Variants in RALGAPA2 observed in about 807,000 individuals in gnomAD.
The protein encoded by RALGAPA2 is ral GTPase-activating protein subunit alpha-2.
Under a neutral mutation model 230.4 loss-of-function variants are expected in RALGAPA2, and 139 were observed. The observed-to-expected ratio is 0.60, with a 90% CI of 0.53 to 0.69. The LOEUF is 0.69. Among genes scored for constraint, RALGAPA2 ranks in the 30% least tolerant of loss-of-function variants. The pLI is 0.00. For missense variants in RALGAPA2, 2,163 were observed against 2,276.0 expected, an observed-to-expected ratio of 0.95 and a Z score of 1.01; for synonymous variants, 847 against 837.8, an observed-to-expected ratio of 1.01 and a Z score of -0.19.
intron 31 of RALGAPA2, among the ~76,000 whole-genome samples, chr20:20,519,250 T>C (rs2062965019): frequency 6.6e-6 from 1 of 152,242 alleles, no homozygotes. Context: ...ATCTACAAAA[T>C]GCAGCTAAAA....
chr20:20,639,280 T>C (rs1555807639), intron 7 of RALGAPA2, among the ~76,000 whole-genome samples: 1 of 152,246 alleles, frequency 6.6e-6, no homozygotes, highest in Non-Finnish European at 1.5e-5. Flanking sequence ...TACATTTTAT[T>C]CTAACTATTA....
intron 24 of RALGAPA2, among the ~76,000 whole-genome samples, chr20:20,545,937 G>A (rs1361697506): frequency 6.6e-6 from 1 of 152,130 alleles, no homozygotes; most frequent in Non-Finnish European, 1.5e-5. Context: ...ATAATGGCGT[G>A]TACCTGCAGT....
chr20:20,572,779 G>T, intron 21 of RALGAPA2, 96 bp downstream of exon 21: 1 of 1,034,772 alleles, frequency 9.7e-7, no homozygotes, highest in Non-Finnish European at 1.3e-6. Flanking sequence ...TTTGTGTTTC[G>T]GAATATGTTC....
intron 15 of RALGAPA2, among the ~76,000 whole-genome samples, 158 bp from the exon 16 acceptor site, chr20:20,602,004 T>C (rs1233270980): frequency 6.6e-6 from 1 of 152,250 alleles, no homozygotes; most frequent in East Asian, 1.9e-4. Context: ...ATTTAGGAAG[T>C]TGCTCATATG....
intron 23 of RALGAPA2, among the ~76,000 whole-genome samples, chr20:20,547,508 A>C (rs2063806475): frequency 1.3e-5 from 2 of 152,160 alleles, no homozygotes. Context: ...TGATGGCTGG[A>C]TGGCCCCTCA....
chr20:20,702,794 T>C (rs1244337211), intron 1 of RALGAPA2, among the ~76,000 whole-genome samples: 2 of 152,228 alleles, frequency 1.3e-5, no homozygotes, highest in Non-Finnish European at 2.9e-5. Flanking sequence ...TGTCATCACC[T>C]GAAATCAAAC....
intron 3 of RALGAPA2, among the ~76,000 whole-genome samples, chr20:20,664,475 T>C (rs948202702): frequency 1.3e-5 from 2 of 152,202 alleles, no homozygotes; most frequent in Non-Finnish European, 2.9e-5. Context: ...ACCCATAATA[T>C]GTGGGTTTTG....
At position 20,458,449 on chromosome 20, in the gene RALGAPA2, AATACATATG is replaced by A. The variant is rs1249608442; in HGVS notation, c.5495+14371_5495+14379del. 2.5e-3 allele frequency among the ~76,000 whole-genome samples: 341 copies of A among 138,702 alleles called. 14 individuals carry two copies. The highest frequency in any genetic ancestry group is 6.8e-3 in the East Asian group (32 of 4,698). The allele number at this position is 138,702 out of a possible 152,430, so 91.0% of individuals were successfully genotyped here. A position where few individuals can be genotyped will look rare whatever the true frequency, so the allele number is the denominator to read the frequency against. Reference sequence around the variant, plus strand: ...TATATGTATTTTTTATATTACATATAATACATATGTATTTTATATAATATATAATATATA... The same window carrying A: ...TATATGTATTTTTTATATTACATATATATTTTATATAATATATAATATATA... On this transcript the variant is annotated intron_variant, in intron 37 of 39. Transcript: ENST00000202677.
At chr20:20,570,623 G>A (rs973975342) in intron 23 of RALGAPA2, among the ~76,000 whole-genome samples, 2 of 151,908 alleles carry the variant, frequency 1.3e-5, no homozygotes, top group South Asian at 2.1e-4. Context: ...CAATGCTACC[G>A]GCTTAGTTCT....
intron 1 of RALGAPA2, among the ~76,000 whole-genome samples, chr20:20,691,416 G>T (rs1168445678): frequency 6.6e-6 from 1 of 152,042 alleles, no homozygotes; most frequent in East Asian, 1.9e-4. Flanking sequence ...TCAATTGAAA[G>T]TATTTATCAG....
chr20:20,432,054 T>A (rs1314165971), intron 37 of RALGAPA2, among the ~76,000 whole-genome samples: 2 of 152,224 alleles, frequency 1.3e-5, no homozygotes, highest in East Asian at 3.8e-4. Flanking sequence ...ATTAAAGTCA[T>A]GTAATTTTTT....
At chr20:20,617,317 T>C (rs2146325711) in intron 12 of RALGAPA2, among the ~76,000 whole-genome samples, 1 of 152,314 alleles carries the variant, frequency 6.6e-6, no homozygotes, top group East Asian at 1.9e-4. Flanking sequence ...TTATCTTAGG[T>C]AAGATTAAAA....
At chr20:20,422,952 A>G (rs751877420) in intron 37 of RALGAPA2, among the ~76,000 whole-genome samples, 1 of 152,194 alleles carries the variant, frequency 6.6e-6, no homozygotes, top group Non-Finnish European at 1.5e-5. Flanking sequence ...GAAGGGAAGA[A>G]GCAACACCAG....
chr20:20,703,924 GATGA>G (rs1445544260), intron 1 of RALGAPA2, among the ~76,000 whole-genome samples: 1 of 152,096 alleles, frequency 6.6e-6, no homozygotes, highest in African/African-American at 2.4e-5. Context: ...CCGCCTTCTT[GATGA>G]ATATTTAACA....
At chr20:20,681,069 C>G (rs2068503200) in intron 1 of RALGAPA2, among the ~76,000 whole-genome samples, 1 of 152,134 alleles carries the variant, frequency 6.6e-6, no homozygotes, top group Non-Finnish European at 1.5e-5. Flanking sequence ...AACAACGGAC[C>G]AGCTAGAAGG....
intron 36 of RALGAPA2, among the ~76,000 whole-genome samples, chr20:20,482,008 G>A (rs534871837): frequency 6.6e-6 from 1 of 152,090 alleles, no homozygotes; most frequent in Admixed American, 6.5e-5. Context: ...GAAATGTAAG[G>A]TATATTTCTG....
At chr20:20,633,574 G>A (rs536754547) in intron 9 of RALGAPA2, among the ~76,000 whole-genome samples, 1 of 152,178 alleles carries the variant, frequency 6.6e-6, no homozygotes, top group African/African-American at 2.4e-5. Flanking sequence ...TGCAAGCTCC[G>A]CCTCCTGGGT....
intron 37 of RALGAPA2, among the ~76,000 whole-genome samples, chr20:20,419,479 T>C (rs1169587297): frequency 6.6e-6 from 1 of 152,170 alleles, no homozygotes; most frequent in Non-Finnish European, 1.5e-5. Flanking sequence ...GTACTATTTT[T>C]AGGGATTTCA....
Position 20,631,091 on chromosome 20 carries a change from G to A in RALGAPA2, c.1006-1501C>T, listed in dbSNP as rs555536824. Among the ~76,000 whole-genome samples the A allele has an allele frequency of 1.2e-4, 18 of 152,224 alleles. No individual in the cohort carries two copies. The South Asian group carries it at 3.1e-3, about 26-fold the overall frequency. On this transcript the variant is annotated intron_variant, in intron 9 of 39. Coordinates refer to ENST00000202677, the MANE Select transcript of RALGAPA2 (RefSeq NM_020343.4). The stretch of plus-strand genomic sequence containing the variant: ...AAGAGACCTAGCCACTATCAGACCC[G>A]GGCCCAAGAGGCTGACAGTTAACAA...
Sources: allele counts gnomAD v4.1 joint callset (sites outside exome capture counted in the v4.1 genomes callset), GRCh38; gene constraint gnomAD v4.1.1; transcripts MANE v1.5; gene names NCBI Gene and HGNC (gene_info 2026-07-23, HGNC 2026-07-21).